Variants in WWOX observed in about 807,000 individuals in gnomAD.
WWOX encodes WW domain containing oxidoreductase.
A neutral mutation model predicts 46.2 loss-of-function variants in WWOX; 69 were observed. That is an observed-to-expected ratio of 1.49 (90% CI 1.23 to 1.82). The LOEUF (loss-of-function observed/expected upper bound fraction) is 1.82, where lower values mean the gene tolerates loss of function less well. Among genes scored for constraint, WWOX ranks in the 40% most tolerant of loss-of-function variants. WWOX has a pLI of 0.00. For synonymous variants in WWOX, 359 were observed against 202.6 expected (o/e 1.77, Z -6.56); for missense variants, 919 against 542.6 (o/e 1.69, Z -6.89).
intron 8 of WWOX, among the ~76,000 whole-genome samples, chr16:78,849,517 T>G (rs1403628610): frequency 1.5e-5 from 2 of 135,854 alleles, no homozygotes; most frequent in Non-Finnish European, 3.0e-5. Context: ...GAGCTTGCAG[T>G]GAGCGGAGAT....
At chr16:78,816,840 G>A (rs949455456) in intron 8 of WWOX, among the ~76,000 whole-genome samples, 4 of 152,072 alleles carry the variant, frequency 2.6e-5, no homozygotes, top group African/African-American at 9.7e-5. Flanking sequence ...ACTCATCTGT[G>A]TAATCTATTT....
At chr16:78,335,352 C>T (rs1346112211) in intron 5 of WWOX, among the ~76,000 whole-genome samples, 1 of 152,152 alleles carries the variant, frequency 6.6e-6, no homozygotes, top group Non-Finnish European at 1.5e-5. Flanking sequence ...CATGCAGCTC[C>T]CACTTATAAA....
intron 8 of WWOX, among the ~76,000 whole-genome samples, chr16:79,136,974 A>C (rs964690020): frequency 6.6e-6 from 1 of 152,202 alleles, no homozygotes; most frequent in African/African-American, 2.4e-5. Flanking sequence ...AGGAGAGAAA[A>C]TAGAGCTCCA....
chr16:78,678,775 G>C (rs140656568), intron 8 of WWOX, among the ~76,000 whole-genome samples: 3 of 152,256 alleles, frequency 2.0e-5, no homozygotes, highest in African/African-American at 7.2e-5. Context: ...ATCTCTTCTT[G>C]TGCGTGGCCT....
chr16:79,048,079 C>T (rs1200241791), intron 8 of WWOX, among the ~76,000 whole-genome samples: 1 of 152,128 alleles, frequency 6.6e-6, no homozygotes, highest in African/African-American at 2.4e-5. Flanking sequence ...TCTAGGATAT[C>T]AGGGGAAGAT....
chr16:79,154,700 C>G (rs1387134822), intron 8 of WWOX, among the ~76,000 whole-genome samples: 2 of 152,152 alleles, frequency 1.3e-5, no homozygotes, highest in African/African-American at 2.4e-5. Context: ...AACTGTTAAT[C>G]ACTTTCATAG....
chr16:78,885,734 G>A (rs188894637), intron 8 of WWOX, among the ~76,000 whole-genome samples: 2 of 152,006 alleles, frequency 1.3e-5, no homozygotes, highest in South Asian at 4.2e-4. Context: ...AGAAGATGAA[G>A]GGGGAAAGTT....
At chr16:78,423,675 A>G (rs1415842408) in intron 6 of WWOX, among the ~76,000 whole-genome samples, 1 of 151,858 alleles carries the variant, frequency 6.6e-6, no homozygotes, top group African/African-American at 2.4e-5. Context: ...CATCTCTACA[A>G]AAATAAAAAA....
At chr16:78,557,786 C>G (rs2044341766) in intron 8 of WWOX, among the ~76,000 whole-genome samples, 1 of 148,202 alleles carries the variant, frequency 6.7e-6, no homozygotes, top group East Asian at 2.0e-4. Flanking sequence ...ACCTCCGCCT[C>G]CTGGGTTCAA....
rs181279650 is a variant in WWOX at position 78,484,613 on chromosome 16, T to G, written c.1056+51861T>G. On this transcript the variant is annotated intron_variant, in intron 8 of 8. Transcript: ENST00000566780. ...CGTTACAATTTAATAATTATCAAGGTGGCAAACGGTAGTATTTGTGTGTAG... is the reference window on the plus strand; with the variant it reads ...CGTTACAATTTAATAATTATCAAGGGGGCAAACGGTAGTATTTGTGTGTAG... 4.3e-3 allele frequency among the ~76,000 whole-genome samples: 661 copies of G among 152,322 alleles called. 5 individuals are homozygous for G. The highest frequency in any genetic ancestry group is 0.015 in the African/African-American group (631 of 41,570).
chr16:78,236,649 A>T (rs1046557589), intron 5 of WWOX, among the ~76,000 whole-genome samples: 6 of 152,188 alleles, frequency 3.9e-5, no homozygotes, highest in Non-Finnish European at 4.4e-5. Context: ...AGGATAAGAC[A>T]CTAGTAACCA....
chr16:78,239,936 G>A (rs1309270353), intron 5 of WWOX, among the ~76,000 whole-genome samples: 1 of 152,118 alleles, frequency 6.6e-6, no homozygotes, highest in Non-Finnish European at 1.5e-5. Flanking sequence ...CCATGGTGAC[G>A]ATGCCATGCT....
chr16:79,088,429 C>G (rs987263077), intron 8 of WWOX, among the ~76,000 whole-genome samples: 1 of 152,208 alleles, frequency 6.6e-6, no homozygotes, highest in African/African-American at 2.4e-5. Context: ...AGGTCTGGCC[C>G]TGAGCCGTGG....
At chr16:79,053,768 G>A (rs2048212456) in intron 8 of WWOX, among the ~76,000 whole-genome samples, 1 of 152,106 alleles carries the variant, frequency 6.6e-6, no homozygotes, top group African/African-American at 2.4e-5. Context: ...TTATAGTTAT[G>A]CAAATGAAAA....
At chr16:78,787,042 G>T (rs564477420) in intron 8 of WWOX, among the ~76,000 whole-genome samples, 5 of 152,320 alleles carry the variant, frequency 3.3e-5, no homozygotes, top group Non-Finnish European at 7.3e-5. Flanking sequence ...CAGGTATTCA[G>T]GAGGCTGAGG....
chr16:79,197,017 G>A (rs541013485), intron 8 of WWOX, among the ~76,000 whole-genome samples: 11 of 152,244 alleles, frequency 7.2e-5, no homozygotes, highest in African/African-American at 9.6e-5. Context: ...ACGTTGCAAC[G>A]TTTCTAGAAT....
rs955052795 is a variant in WWOX, at chr16:78,922,176, A to G, written c.1057-289432A>G. On this transcript the variant is annotated intron_variant, in intron 8 of 8. Transcript: ENST00000566780. ...CCCACATATTTGATCTCAGCCTCCA[A>G]GTCAACTGATAACTGTGGTACAGTG... 2.6e-5 allele frequency among the ~76,000 whole-genome samples: 4 copies of G among 152,138 alleles called. No homozygotes were observed. The South Asian group carries it at 8.3e-4, about 32-fold the overall frequency.
intron 8 of WWOX, among the ~76,000 whole-genome samples, chr16:79,040,228 C>G (rs571762261): frequency 6.6e-6 from 1 of 151,632 alleles, no homozygotes; most frequent in South Asian, 2.1e-4. Context: ...CCTCAAAGAG[C>G]CAAGTCCCAC....
chr16:78,219,946 T>C (rs138471128), intron 5 of WWOX, among the ~76,000 whole-genome samples: 116 of 152,342 alleles, frequency 7.6e-4, no homozygotes, highest in Non-Finnish European at 1.5e-3. Context: ...ATTTGAACTA[T>C]ATATATCACA....
Sources: allele counts gnomAD v4.1 joint callset (sites outside exome capture counted in the v4.1 genomes callset), GRCh38; gene constraint gnomAD v4.1.1; transcripts MANE v1.5; gene names NCBI Gene and HGNC (gene_info 2026-07-23, HGNC 2026-07-21).